ARHGAP24: variants seen among roughly 807,000 people sequenced by gnomAD.
ARHGAP24 encodes rho GTPase-activating protein 24.
A neutral mutation model predicts 76.4 loss-of-function variants in ARHGAP24; 50 were observed. The observed-to-expected ratio is 0.65, with a 90% CI of 0.52 to 0.83. ARHGAP24 has a LOEUF of 0.83. ARHGAP24 is among the 40% of genes least tolerant of loss of function. The probability of loss-of-function intolerance (pLI) is 0.00; values close to 1 mark genes in which losing one functional copy is unlikely to be tolerated. For missense variants in ARHGAP24, 930 were observed against 914.2 expected, an observed-to-expected ratio of 1.02 and a Z score of -0.22; for synonymous variants, 345 against 323.3, an observed-to-expected ratio of 1.07 and a Z score of -0.72.
At chr4:85,512,762 A>G (rs936063229) in intron 1 of ARHGAP24, among the ~76,000 whole-genome samples, 1 of 152,244 alleles carries the variant, frequency 6.6e-6, no homozygotes, top group African/African-American at 2.4e-5. Context: ...CAAATTCAGG[A>G]TATTTGATAT....
chr4:85,517,836 T>C (rs963142452), intron 1 of ARHGAP24, among the ~76,000 whole-genome samples: 1 of 152,108 alleles, frequency 6.6e-6, no homozygotes, highest in Non-Finnish European at 1.5e-5. Flanking sequence ...ATTTAGAGGG[T>C]CAATATATAA....
At chr4:85,955,676 A>G (rs1737867248) in intron 5 of ARHGAP24, among the ~76,000 whole-genome samples, 1 of 152,200 alleles carries the variant, frequency 6.6e-6, no homozygotes, top group South Asian at 2.1e-4. Flanking sequence ...TATCAGCTGC[A>G]GGAGTGTATG....
intron 3 of ARHGAP24, among the ~76,000 whole-genome samples, chr4:85,896,253 T>C (rs1486812092): frequency 6.6e-6 from 1 of 152,218 alleles, no homozygotes; most frequent in Admixed American, 6.5e-5. Context: ...TTGCAATCTA[T>C]CCAGTTAATA....
At chr4:85,523,367 A>G (rs1023246941) in intron 1 of ARHGAP24, among the ~76,000 whole-genome samples, 8 of 152,156 alleles carry the variant, frequency 5.3e-5, no homozygotes, top group Non-Finnish European at 7.4e-5. Context: ...GCTTGCAAAC[A>G]TCTATGACTC....
intron 2 of ARHGAP24, among the ~76,000 whole-genome samples, chr4:85,709,695 A>G (rs1034181745): frequency 3.9e-5 from 6 of 152,174 alleles, no homozygotes; most frequent in Admixed American, 2.6e-4. Context: ...TCAGGATACA[A>G]AATGTACAAA....
rs80052246 is a variant in ARHGAP24 at position 85,525,484 on chromosome 4, T to TA, written c.-20-45027dup. On this transcript the variant is annotated intron_variant, in intron 1 of 9. Transcript: ENST00000395184. ...GTTTACGCAGTTCTGATGAGTTTTA[T>TA]AAAAAAAAAAAGTAAGCATGGAAAG... Among the ~76,000 whole-genome samples, 374 of 145,426 alleles carry TA rather than the reference T, an allele frequency of 2.6e-3. 2 individuals are homozygous for TA. Among genetic ancestry groups the TA allele is most frequent in the African/African-American group, 7.1e-3 (283 of 39,844 alleles).
At position 85,570,717 on chromosome 4, in the gene ARHGAP24, C is replaced by A. The variant is rs1560537021; in HGVS notation, c.176C>A (p.Pro59His). 6.2e-7 allele frequency: 1 copy of A among 1,613,866 alleles called. No homozygotes were observed. The highest frequency in any genetic ancestry group is 8.5e-7 in the Non-Finnish European group (1 of 1,179,936). Residue 59 changes from proline (P) to histidine (H), a missense_variant, in exon 2 of 10, where the codon CCC (proline) becomes CAC (histidine). Coordinates refer to ENST00000395184, the MANE Select transcript of ARHGAP24 (RefSeq NM_001025616.3). ...YYFKDEDETKPLGTIFLPGNK... is the reference protein window; with the variant it reads ...YYFKDEDETKHLGTIFLPGNK... ...TTCAAAGATGAAGATGAAACCAAGC[C>A]CTTGGTGAGTAGGAGAAAATGTAAA...
rs113359578 is a variant in ARHGAP24, at chr4:85,957,732, G to A, written c.600-14304G>A. Among the ~76,000 whole-genome samples, 763 of 152,232 alleles carry A rather than the reference G, an allele frequency of 5.0e-3. 13 individuals carry two copies. The highest frequency in any genetic ancestry group is 0.017 in the African/African-American group (717 of 41,518). On this transcript the variant is annotated intron_variant, in intron 5 of 9. Transcript: ENST00000395184. ...AAAGAATAACTCACAAGAGTTCCAT[G>A]AAACTGCTTTATAAACACACCAAAG...
intron 3 of ARHGAP24, among the ~76,000 whole-genome samples, chr4:85,785,040 A>G (rs9307010): frequency 0.26 from 39,387 of 151,806 alleles, 5,455 homozygotes; most frequent in African/African-American, 0.31. Flanking sequence ...CCAACTTTTC[A>G]ATGAGTCCTT....
rs545212886 is a variant in ARHGAP24 at position 85,667,237 on chromosome 4, C to G, written c.181-54648C>G. 2.2e-4 allele frequency among the ~76,000 whole-genome samples: 33 copies of G among 152,314 alleles called. 3 individuals carry two copies. The highest frequency in any genetic ancestry group is 2.2e-3 in the Admixed American group (33 of 15,304). On this transcript the variant is annotated intron_variant, in intron 2 of 9. Transcript: ENST00000395184. The stretch of plus-strand genomic sequence containing the variant: ...CTCCCCCAGCATTGCTGCCGCCTTG[C>G]AGTTTGATCTCAAACTGCTGTGCTA...
At position 85,828,013 on chromosome 4, in the gene ARHGAP24, A is replaced by T. The variant is rs1349420962; in HGVS notation, c.269-95635A>T. The T allele has an allele frequency of 2.4e-6, 3 of 1,265,518 alleles. No homozygotes were observed. The Admixed American group carries it at 6.9e-5, about 29-fold the overall frequency. 78.4% of individuals were successfully genotyped at this position (1,265,518 alleles called of 1,614,324 possible). On this transcript the variant is annotated intron_variant, in intron 3 of 9. Transcript: ENST00000395184. ...TGCTTTGTTCTTAATTTGGAGACAA[A>T]TTGCCAGGTATTGTTGTTGATTGTG...
Position 85,839,843 on chromosome 4 carries a change from C to CTTTTTTTT in ARHGAP24, c.269-83788_269-83781dup, listed in dbSNP as rs33974767. Among the ~76,000 whole-genome samples, 903 of 105,556 alleles carry CTTTTTTTT rather than the reference C, an allele frequency of 8.6e-3. 10 individuals carry two copies. Among genetic ancestry groups the CTTTTTTTT allele is most frequent in the Middle Eastern group, 0.013 (2 of 152 alleles). 69.2% of individuals were successfully genotyped at this position (105,556 alleles called of 152,430 possible). On this transcript the variant is annotated intron_variant, in intron 3 of 9. Transcript: ENST00000395184. ...CTACCAAGTGTCTTTTTTCTGTTTT[C>CTTTTTTTT]TTTTTTTTTTTTTTTTTTTTTTTTG...
intron 1 of ARHGAP24, among the ~76,000 whole-genome samples, chr4:85,509,563 AATGAACC>A (rs1464835025): frequency 3.3e-5 from 5 of 152,128 alleles, no homozygotes; most frequent in Middle Eastern, 3.4e-3. Flanking sequence ...AATGATACCT[AATGAACC>A]ATTTGTCTCT....
chr4:85,638,801 A>T (rs1158637811), intron 2 of ARHGAP24, among the ~76,000 whole-genome samples: 1 of 152,100 alleles, frequency 6.6e-6, no homozygotes, highest in African/African-American at 2.4e-5. Flanking sequence ...TTCAAATAAA[A>T]CTTCCAAGAT....
chr4:85,500,028 T>C (rs1723740156), intron 1 of ARHGAP24, among the ~76,000 whole-genome samples: 1 of 152,138 alleles, frequency 6.6e-6, no homozygotes, highest in Non-Finnish European at 1.5e-5. Context: ...CAAATTGAGA[T>C]GTACTGGAAA....
At chr4:85,621,156 ATATT>A (rs1720703350) in intron 2 of ARHGAP24, among the ~76,000 whole-genome samples, 1 of 152,088 alleles carries the variant, frequency 6.6e-6, no homozygotes, top group African/African-American at 2.4e-5. Context: ...TATATACCAC[ATATT>A]CTTCATCCGA....
intron 2 of ARHGAP24, among the ~76,000 whole-genome samples, chr4:85,637,845 A>C (rs78849983): frequency 0.011 from 1,729 of 152,142 alleles, 34 homozygotes; most frequent in African/African-American, 0.039. Context: ...AATCAAAGAC[A>C]TATTTGAGGT....
rs1738338201 is a variant in ARHGAP24 at position 85,962,759 on chromosome 4, C to T, written c.600-9277C>T. On this transcript the variant is annotated intron_variant, in intron 5 of 9. Coordinates refer to ENST00000395184, the MANE Select transcript of ARHGAP24 (RefSeq NM_001025616.3). Reference sequence around the variant, plus strand: ...CTTCATTATGACTCCCAATCTAGATCTAGAATGCCCATGTTTATTAAAAGT... The same window carrying T: ...CTTCATTATGACTCCCAATCTAGATTTAGAATGCCCATGTTTATTAAAAGT... 2.0e-5 allele frequency among the ~76,000 whole-genome samples: 3 copies of T among 151,252 alleles called. No individual in the cohort carries two copies. The South Asian group carries it at 6.3e-4, about 32-fold the overall frequency.
intron 2 of ARHGAP24, among the ~76,000 whole-genome samples, chr4:85,721,546 C>T (rs1724938339): frequency 6.6e-6 from 1 of 152,154 alleles, no homozygotes; most frequent in Admixed American, 6.5e-5. Context: ...ATATCTACCT[C>T]ATAAGATTAT....
Sources: allele counts gnomAD v4.1 joint callset (sites outside exome capture counted in the v4.1 genomes callset), GRCh38; gene constraint gnomAD v4.1.1; transcripts MANE v1.5; gene names NCBI Gene and HGNC (gene_info 2026-07-23, HGNC 2026-07-21).